Variants in CACTIN observed in about 807,000 individuals in gnomAD.
The protein encoded by CACTIN is splicing factor Cactin.
CACTIN carries 20 observed loss-of-function variants against 84.9 expected under a neutral mutation model. That is an observed-to-expected ratio of 0.24 (90% CI 0.17 to 0.34). CACTIN has a LOEUF of 0.34. Ranked by LOEUF, CACTIN falls within the 10% of genes least tolerant of loss-of-function variation. The pLI, the probability that CACTIN is intolerant of heterozygous loss-of-function variation, is 1.00. For missense variants in CACTIN, 897 were observed against 1,117.2 expected, an observed-to-expected ratio of 0.80 and a Z score of 2.81; for synonymous variants, 549 against 467.9, an observed-to-expected ratio of 1.17 and a Z score of -2.24.
intron 6 of CACTIN, 192 bp from the exon 7 acceptor site, chr19:3,614,781 G>A (rs1030302438): frequency 3.3e-6 from 2 of 609,162 alleles, no homozygotes; most frequent in African/African-American, 3.7e-5. Flanking sequence ...GGAGGGGGTG[G>A]GCGGAGGTTG....
rs747898988 is a variant in CACTIN at position 3,614,539 on chromosome 19, C to T, written c.1213G>A (p.Val405Met). Reference protein sequence around the residue: ...NASVSSDVQSVFKGKTYNQLQ... With the variant: ...NASVSSDVQSMFKGKTYNQLQ... Reference sequence around the variant, plus strand: ...TGGTTGTATGTCTTCCCCTTGAACACCGACTGCACATCAGAGCTGACGGAG... The same window carrying T: ...TGGTTGTATGTCTTCCCCTTGAACATCGACTGCACATCAGAGCTGACGGAG... The change falls in exon 7 of 10, where the codon GTG becomes ATG. Residue 405 changes from valine (V) to methionine (M), a missense_variant. By Grantham distance (21) the Val-to-Met change is conservative. Transcript: ENST00000429344. 6.2e-7 allele frequency: 1 copy of T among 1,609,464 alleles called. No homozygotes were observed. Among genetic ancestry groups the T allele is most frequent in the Non-Finnish European group, 8.5e-7 (1 of 1,178,092 alleles).
At position 3,614,432 on chromosome 19, in the gene CACTIN, G is replaced by T; in HGVS notation, c.1320C>A (p.Leu440=). ...PNLDMGYWES[L]LQQLRAHMAR... Reference sequence around the variant, plus strand: ...CCATGTGGGCACGAAGCTGCTGCAGGAGGCTCTCCCAGTAGCCCATGTCCA... The same window carrying T: ...CCATGTGGGCACGAAGCTGCTGCAGTAGGCTCTCCCAGTAGCCCATGTCCA... The change falls in exon 7 of 10, where the codon CTC becomes CTA. Residue 440 remains leucine, a synonymous_variant. Coordinates refer to ENST00000429344, the MANE Select transcript of CACTIN (RefSeq NM_001080543.2). 1 of 1,591,950 alleles carries T rather than the reference G, an allele frequency of 6.3e-7. No individual in the cohort carries two copies. Among genetic ancestry groups the T allele is most frequent in the South Asian group, 1.1e-5 (1 of 87,882 alleles).
In CACTIN at chr19:3,614,428, G is replaced by A; in HGVS notation, c.1324C>T (p.Gln442Ter). Residue 442 changes from glutamine to a stop codon, truncating the protein, a stop_gained, in exon 7 of 10, where the codon CAG becomes TAG. Transcript: ENST00000429344. LOFTEE classifies it high-confidence loss of function. ...CGTGCCATGTGGGCACGAAGCTGCTGCAGGAGGCTCTCCCAGTAGCCCATG... is the reference window on the plus strand; with the variant it reads ...CGTGCCATGTGGGCACGAAGCTGCTACAGGAGGCTCTCCCAGTAGCCCATG... ...LDMGYWESLL[Q>*]QLRAHMARAR... The A allele has an allele frequency of 6.3e-7, 1 of 1,590,564 alleles. No individual in the cohort carries two copies. Among genetic ancestry groups the A allele is most frequent in the Non-Finnish European group, 8.6e-7 (1 of 1,168,662 alleles).
chr19:3,613,812 G>C (rs151182741), intron 7 of CACTIN: 3 of 593,420 alleles, frequency 5.1e-6, no homozygotes, highest in Non-Finnish European at 8.7e-6. Context: ...ATGGCAGGGA[G>C]AGGTGGGTCT....
In CACTIN at chr19:3,611,006, G is replaced by A; in HGVS notation, c.*917C>T. On this transcript the variant is annotated 3_prime_UTR_variant, in exon 10 of 10. Transcript: ENST00000429344. Reference sequence around the variant, plus strand: ...GGGAGTGAGAAGGAGCCACTGTCCTGATATGGGCAAAACTCGGGGTCACTG... The same window carrying A: ...GGGAGTGAGAAGGAGCCACTGTCCTAATATGGGCAAAACTCGGGGTCACTG... 2.2e-6 allele frequency: 1 copy of A among 453,566 alleles called. No individual in the cohort carries two copies. The highest frequency in any genetic ancestry group is 4.4e-6 in the Non-Finnish European group (1 of 224,742). 28.1% of individuals were successfully genotyped at this position (453,566 alleles called of 1,614,324 possible). A position where few individuals can be genotyped will look rare whatever the true frequency, so the allele number is the denominator to read the frequency against.
chr19:3,624,744 T>A (rs2033299513), intron 1 of CACTIN, among the ~76,000 whole-genome samples: 1 of 151,410 alleles, frequency 6.6e-6, no homozygotes, highest in African/African-American at 2.4e-5. Context: ...TAGATGGAAG[T>A]GGTATTTGAA....
Position 3,612,097 on chromosome 19 carries a change from G to A in CACTIN, c.2103C>T (p.Asp701=). ...TPEYFLEACA[D]NKDFAILRFH... ...AGCGCAGGATGGCGAAATCCTTGTT[G>A]TCGGCGCAGGCCTCCAGGAAGTACT... The change falls in exon 10 of 10, where the codon GAC becomes GAT. Residue 701 remains aspartate, a synonymous_variant. Transcript: ENST00000429344. 1 of 1,613,846 alleles carries A rather than the reference G, an allele frequency of 6.2e-7. No individual in the cohort carries two copies. Among genetic ancestry groups the A allele is most frequent in the Admixed American group, 1.7e-5 (1 of 60,034 alleles).
Position 3,619,177 on chromosome 19 carries a change from G to A in CACTIN, c.950C>T (p.Ala317Val), listed in dbSNP as rs1287591106. ...CTCCACGGCCAGATCGTCATCCTCA[G>A]CGCTGATGTACTTGGCCAGCAGGTC... ...PIDLLAKYIS[A>V]EDDDLAVEMH... is the part of the protein sequence containing the mutation. The change falls in exon 5 of 10, where the codon GCT becomes GTT. Residue 317 changes from alanine (A) to valine (V), a missense_variant. This residue lies in a region of CACTIN where 304 missense variants were observed against 444.3 expected (regional missense o/e 0.68). Transcript: ENST00000429344. The A allele has an allele frequency of 6.2e-7, 1 of 1,613,314 alleles. No homozygotes were observed. The highest frequency in any genetic ancestry group is 8.5e-7 in the Non-Finnish European group (1 of 1,179,696).
chr19:3,625,023 G>A (rs560528561), intron 1 of CACTIN, among the ~76,000 whole-genome samples: 2 of 151,938 alleles, frequency 1.3e-5, no homozygotes, highest in Non-Finnish European at 1.5e-5. Context: ...CCTGAGTAGC[G>A]GGGACTACAG....
rs1176651766 is a variant in CACTIN at position 3,623,795 on chromosome 19, G to C, written c.535C>G (p.Arg179Gly). The stretch of plus-strand genomic sequence containing the variant: ...CAGCCCATCTTCTCCCGCTTCTTGC[G>C]CTCCTTGGCCTCCTTCTTGGCCAGC... ...RRLAKKEAKE[R>G]KKREKMGWGE... Residue 179 changes from arginine to glycine, a missense_variant, in exon 2 of 10, where the codon CGC becomes GGC. This residue lies in a region of CACTIN where 304 missense variants were observed against 444.3 expected (regional missense o/e 0.68). Coordinates refer to ENST00000429344, the MANE Select transcript of CACTIN (RefSeq NM_001080543.2). 1 of 1,613,880 alleles carries C rather than the reference G, an allele frequency of 6.2e-7. No homozygotes were observed. The highest frequency in any genetic ancestry group is 8.5e-7 in the Non-Finnish European group (1 of 1,179,872).
chr19:3,613,974 C>T, intron 7 of CACTIN: 1 of 413,494 alleles, frequency 2.4e-6, no homozygotes, highest in Non-Finnish European at 4.5e-6. Flanking sequence ...AAAAACACTC[C>T]AGAAATCTGT....
intron 9 of CACTIN, chr19:3,612,663 C>T (rs2145312581): frequency 4.2e-6 from 3 of 715,542 alleles, no homozygotes; most frequent in South Asian, 3.0e-5. Context: ...CGCGCTTCCC[C>T]GCCGAGCGAC....
At chr19:3,616,742 C>T (rs1177254552) in intron 6 of CACTIN, 3 of 152,172 alleles carry the variant, frequency 2.0e-5, no homozygotes, top group African/African-American at 7.2e-5. Context: ...TAATCCTAGC[C>T]CTTCTGGAGG....
rs756273609 is a variant in CACTIN, at chr19:3,612,007, C to T, written c.2193G>A (p.Ser731=). 4 of 1,613,582 alleles carry T rather than the reference C, an allele frequency of 2.5e-6. No homozygotes were observed. Among genetic ancestry groups the T allele is most frequent in the Non-Finnish European group, 3.4e-6 (4 of 1,179,892 alleles). ...ACTGGCAGCGGAAGCCGTGGCGGTG[C>T]GAGTATTCCCACTCGCGGTTGACGA... ...FKIVNREWEY[S]HRHGFRCQFA... The change falls in exon 10 of 10, where the codon TCG becomes TCA. Residue 731 remains serine (S), a synonymous_variant. Transcript: ENST00000429344.
At chr19:3,618,177 C>G (rs1568293977) in intron 6 of CACTIN, among the ~76,000 whole-genome samples, 4 of 108,036 alleles carry the variant, frequency 3.7e-5, no homozygotes, top group South Asian at 3.3e-4. Flanking sequence ...GCTTTTAGAC[C>G]GGGGGGGGGG....
rs1250909614 is a variant in CACTIN at position 3,613,187 on chromosome 19, C to T, written c.1657G>A (p.Asp553Asn). The change falls in exon 9 of 10, where the codon GAC becomes AAC. Residue 553 changes from aspartate to asparagine, a missense_variant. Asp to Asn is a conservative substitution (Grantham distance 23). Coordinates refer to ENST00000429344, the MANE Select transcript of CACTIN (RefSeq NM_001080543.2). The stretch of plus-strand genomic sequence containing the variant: ...GGGCTGTACCTGCCGGCGTCGTAGT[C>T]GTCCAGGCTCTGCTGGATCAGGTCC... ...EEDLIQQSLD[D>N]YDAGRYSPRL... The T allele has an allele frequency of 1.9e-6, 3 of 1,611,450 alleles. No individual in the cohort carries two copies. The highest frequency in any genetic ancestry group is 1.7e-5 in the Admixed American group (1 of 59,986).
rs1052637685 is a variant in CACTIN, at chr19:3,610,916, G to A, written c.*1007C>T. 3.7e-5 allele frequency: 17 copies of A among 456,646 alleles called. No homozygotes were observed. The highest frequency in any genetic ancestry group is 1.4e-4 in the African/African-American group (7 of 50,090). 28.3% of individuals were successfully genotyped at this position (456,646 alleles called of 1,614,324 possible). A position where few individuals can be genotyped will look rare whatever the true frequency, so the allele number is the denominator to read the frequency against. ...TCGGATGCTGAAGAACAAGCCTGCCGGCTGGGCCACTCCGACCTGGGCTGT... is the reference window on the plus strand; with the variant it reads ...TCGGATGCTGAAGAACAAGCCTGCCAGCTGGGCCACTCCGACCTGGGCTGT... On this transcript the variant is annotated 3_prime_UTR_variant, in exon 10 of 10. Coordinates refer to ENST00000429344, the MANE Select transcript of CACTIN (RefSeq NM_001080543.2).
rs755564282 is a variant in CACTIN, at chr19:3,624,059, C to T, written c.271G>A (p.Gly91Arg). 43 of 1,603,696 alleles carry T rather than the reference C, an allele frequency of 2.7e-5. No homozygotes were observed. Among genetic ancestry groups the T allele is most frequent in the Non-Finnish European group, 3.5e-5 (41 of 1,179,616 alleles). The change falls in exon 2 of 10, where the codon GGA becomes AGA. Residue 91 changes from glycine to arginine, a missense_variant. Coordinates refer to ENST00000429344, the MANE Select transcript of CACTIN (RefSeq NM_001080543.2). The stretch of plus-strand genomic sequence containing the variant: ...CACTGGCCCCGTGACTGCTCCTCTC[C>T]TGAGTCCGACTGAGAGGACCCATCT... ...SRDGSSQSDS[G>R]EEQSRGQWAR...
Position 3,618,958 on chromosome 19 carries a change from G to A in CACTIN, c.1079C>T (p.Ala360Val), listed in dbSNP as rs2033165136. 1 of 1,557,936 alleles carries A rather than the reference G, an allele frequency of 6.4e-7. No individual in the cohort carries two copies. The highest frequency in any genetic ancestry group is 1.4e-5 in the African/African-American group (1 of 73,494). ...VYMELEQGKNADFWRDMTTIT... is the reference protein window; with the variant it reads ...VYMELEQGKNVDFWRDMTTIT... The stretch of plus-strand genomic sequence containing the variant: ...GGTGGTCATGTCCCGCCAGAAGTCG[G>A]CGTTCTTGCCCTGCTCCAGCTCCAT... The change falls in exon 6 of 10, where the codon GCC becomes GTC. Residue 360 changes from alanine to valine, a missense_variant. By Grantham distance (64) the Ala-to-Val change is moderately conservative. Around this residue, in one of 8 missense-constraint regions of CACTIN, gnomAD observed 304 missense variants for 444.3 expected, o/e 0.68. Transcript: ENST00000429344.
Sources: gnomAD v4.1 joint callset for allele counts (sites outside exome capture counted in the v4.1 genomes callset) on GRCh38, gnomAD v4.1.1 for gene constraint, gnomAD v4.1.1 regional missense constraint, MANE v1.5 for transcripts, NCBI Gene and HGNC (gene_info 2026-07-23, HGNC 2026-07-21) for gene names.